TENM3: variants seen among roughly 807,000 people sequenced by gnomAD.
TENM3 encodes teneurin transmembrane protein 3, also known as teneurin-3.
TENM3 carries 63 observed loss-of-function variants against 255.1 expected under a neutral mutation model. The observed-to-expected ratio is 0.25, with a 90% confidence interval of 0.20 to 0.30. TENM3 has a LOEUF of 0.30. Among genes scored for constraint, TENM3 ranks in the 10% least tolerant of loss-of-function variants. The pLI, the probability that TENM3 is intolerant of heterozygous loss-of-function variation, is 1.00. For missense variants in TENM3, 2,929 were observed against 3,461.1 expected, an observed-to-expected ratio of 0.85 and a Z score of 3.86; for synonymous variants, 1,306 against 1,322.3, an observed-to-expected ratio of 0.99 and a Z score of 0.27.
chr4:181,521,333 C>T, the TENM3 span, among the ~76,000 whole-genome samples: 2 of 152,308 alleles, frequency 1.3e-5, no homozygotes, highest in East Asian at 1.9e-4. Flanking sequence ...TAACTCTTAC[C>T]GATGCCATTA....
chr4:182,579,888 GT>G (rs779070382), intron 3 of TENM3, among the ~76,000 whole-genome samples: 59 of 152,230 alleles, frequency 3.9e-4, no homozygotes, highest in Non-Finnish European at 5.6e-4. Context: ...TTTAAATGAG[GT>G]TTAGTGCTGG....
chr4:182,041,340 G>A, the TENM3 span, among the ~76,000 whole-genome samples: 1 of 152,058 alleles, frequency 6.6e-6, no homozygotes, highest in South Asian at 2.1e-4. Flanking sequence ...AAGGTGTCAG[G>A]GCTTAGGTAA....
chr4:182,140,991 C>A (rs1028239004), upstream of TENM3, among the ~76,000 whole-genome samples: 6 of 66,454 alleles, frequency 9.0e-5, no homozygotes, highest in Admixed American at 8.7e-4. Flanking sequence ...TTATATCCCT[C>A]CCCCCCGCCC....
At chr4:181,600,054 G>A in the TENM3 span, among the ~76,000 whole-genome samples, 260 of 152,158 alleles carry the variant, frequency 1.7e-3, 1 homozygote, top group African/African-American at 5.9e-3. Flanking sequence ...TTTAGTTTTG[G>A]TTATTTTCAG....
At chr4:182,381,008 G>C (rs1767526254) in intron 3 of TENM3, among the ~76,000 whole-genome samples, 1 of 152,204 alleles carries the variant, frequency 6.6e-6, no homozygotes, top group Admixed American at 6.5e-5. Flanking sequence ...TATTTCCTCT[G>C]TGCTAGCACA....
the TENM3 span, among the ~76,000 whole-genome samples, chr4:181,464,633 G>A: frequency 6.6e-6 from 1 of 151,838 alleles, no homozygotes; most frequent in East Asian, 1.9e-4. Context: ...TTTCTTAGAA[G>A]CATATTTTTT....
At chr4:181,852,822 G>A in the TENM3 span, among the ~76,000 whole-genome samples, 4 of 152,166 alleles carry the variant, frequency 2.6e-5, no homozygotes, top group Non-Finnish European at 5.9e-5. Context: ...GACCAAGGGA[G>A]GATGAGCAAC....
intron 3 of TENM3, among the ~76,000 whole-genome samples, chr4:182,515,972 C>T (rs989378261): frequency 5.3e-5 from 8 of 152,148 alleles, no homozygotes; most frequent in South Asian, 4.1e-4. Context: ...CAAGTCATAG[C>T]GTGGTTATGC....
At chr4:181,989,618 A>G in the TENM3 span, among the ~76,000 whole-genome samples, 1 of 152,098 alleles carries the variant, frequency 6.6e-6, no homozygotes, top group South Asian at 2.1e-4. Context: ...GTTGATGTAA[A>G]AAGATTAATG....
chr4:181,616,528 A>C, the TENM3 span, among the ~76,000 whole-genome samples: 1 of 150,834 alleles, frequency 6.6e-6, no homozygotes, highest in African/African-American at 2.4e-5. Flanking sequence ...AATATCCATT[A>C]TCCATATAAT....
intron 4 of TENM3, 126 bp from the exon 5 acceptor site, chr4:182,628,525 T>C (rs1302348816): frequency 1.6e-6 from 1 of 638,510 alleles, no homozygotes; most frequent in Non-Finnish European, 2.8e-6. Flanking sequence ...TTAGGTTATA[T>C]AGGATAAATT....
the TENM3 span, among the ~76,000 whole-genome samples, chr4:181,926,103 A>T: frequency 6.6e-6 from 1 of 152,230 alleles, no homozygotes; most frequent in East Asian, 1.9e-4. Flanking sequence ...GCAGCCACCT[A>T]TACAGTGTGT....
At chr4:182,333,553 C>T (rs901397982) in intron 2 of TENM3, among the ~76,000 whole-genome samples, 8 of 149,734 alleles carry the variant, frequency 5.3e-5, no homozygotes, top group Non-Finnish European at 1.2e-4. Flanking sequence ...CAAATAAACT[C>T]ACAAGAAGAA....
the TENM3 span, among the ~76,000 whole-genome samples, chr4:181,605,574 G>GAGAGAGAAAGAAAGAA: frequency 4.6e-5 from 1 of 21,978 alleles, no homozygotes; most frequent in East Asian, 1.1e-3. Flanking sequence ...AAGAAAGAGA[G>GAGAGAGAAAGAAAGAA]AGAAAGAAAG....
chr4:182,435,715 G>T (rs1771990577), intron 3 of TENM3, among the ~76,000 whole-genome samples: 1 of 152,176 alleles, frequency 6.6e-6, no homozygotes, highest in African/African-American at 2.4e-5. Flanking sequence ...AAAGGCACAA[G>T]AATTAATTTA....
chr4:182,739,871 A>G (rs1358256725), intron 18 of TENM3, among the ~76,000 whole-genome samples: 1 of 152,098 alleles, frequency 6.6e-6, no homozygotes, highest in Non-Finnish European at 1.5e-5. Flanking sequence ...CCCTGTCTCT[A>G]CAAAATACAC....
intron 1 of TENM3, among the ~76,000 whole-genome samples, chr4:182,301,560 G>A (rs1051927227): frequency 6.6e-6 from 1 of 152,132 alleles, no homozygotes; most frequent in South Asian, 2.1e-4. Flanking sequence ...TCAGTTAAAT[G>A]AAAAAGAAAT....
the TENM3 span, among the ~76,000 whole-genome samples, chr4:181,921,846 A>T: frequency 6.6e-6 from 1 of 152,156 alleles, no homozygotes; most frequent in Admixed American, 6.5e-5. Context: ...GTTTTTGCCC[A>T]TTCAGTATGA....
the TENM3 span, among the ~76,000 whole-genome samples, chr4:181,969,777 A>G: frequency 2.6e-5 from 4 of 152,230 alleles, no homozygotes; most frequent in Non-Finnish European, 5.9e-5. Flanking sequence ...ATTAAAGTAG[A>G]AGGTCTATTT....
Sources: gnomAD v4.1 joint callset for allele counts (sites outside exome capture counted in the v4.1 genomes callset) on GRCh38, gnomAD v4.1.1 for gene constraint, MANE v1.5 for transcripts, NCBI Gene and HGNC (gene_info 2026-07-23, HGNC 2026-07-21) for gene names.